HPSE2: variants seen among roughly 807,000 people sequenced by gnomAD.
HPSE2 encodes heparanase 2 (inactive).
HPSE2 carries 38 observed loss-of-function variants against 60.5 expected under a neutral mutation model. The observed-to-expected ratio is 0.63, with a 90% confidence interval of 0.48 to 0.82. HPSE2 has a LOEUF of 0.82. Ranked by LOEUF, HPSE2 falls within the 40% of genes least tolerant of loss-of-function variation. The pLI is 0.00. For synonymous variants in HPSE2, 295 were observed against 293.2 expected, an observed-to-expected ratio of 1.01 and a Z score of -0.06; for missense variants, 713 against 740.4, an observed-to-expected ratio of 0.96 and a Z score of 0.43.
At chr10:98,872,411 T>C (rs956150041) in intron 3 of HPSE2, among the ~76,000 whole-genome samples, 1 of 152,100 alleles carries the variant, frequency 6.6e-6, no homozygotes, top group African/African-American at 2.4e-5. Context: ...AGAAATTTAG[T>C]CAATTTTCTG....
chr10:98,626,538 A>G (rs1465892574), intron 7 of HPSE2, among the ~76,000 whole-genome samples: 1 of 152,012 alleles, frequency 6.6e-6, no homozygotes, highest in Non-Finnish European at 1.5e-5. Flanking sequence ...CCACGCCCAT[A>G]CTCACTTGGA....
chr10:98,765,568 G>A (rs1010956696), intron 3 of HPSE2, among the ~76,000 whole-genome samples: 2 of 152,292 alleles, frequency 1.3e-5, no homozygotes, highest in Admixed American at 6.5e-5. Flanking sequence ...GGCCAGGCAT[G>A]GTGGCTCACG....
intron 3 of HPSE2, among the ~76,000 whole-genome samples, chr10:98,788,643 C>G (rs529874095): frequency 1.3e-5 from 2 of 152,216 alleles, no homozygotes; most frequent in African/African-American, 4.8e-5. Flanking sequence ...GATATCGTCT[C>G]GTGGTGCGCT....
intron 2 of HPSE2, among the ~76,000 whole-genome samples, chr10:99,192,893 A>C (rs1848269174): frequency 6.6e-6 from 1 of 152,148 alleles, no homozygotes; most frequent in Non-Finnish European, 1.5e-5. Flanking sequence ...TCCTAAAGGG[A>C]GTTTTTCATA....
intron 6 of HPSE2, among the ~76,000 whole-genome samples, chr10:98,654,606 T>C (rs546725700): frequency 6.6e-5 from 10 of 152,354 alleles, no homozygotes; most frequent in African/African-American, 2.2e-4. Context: ...TCTCTACTTA[T>C]ATTAACCATG....
intron 3 of HPSE2, among the ~76,000 whole-genome samples, chr10:99,071,153 T>C (rs1842777718): frequency 6.7e-6 from 1 of 149,264 alleles, no homozygotes. Flanking sequence ...CACTGCAACC[T>C]CTGCCTCCCA....
intron 3 of HPSE2, among the ~76,000 whole-genome samples, chr10:98,837,619 A>C (rs1951819459): frequency 6.6e-6 from 1 of 152,192 alleles, no homozygotes. Context: ...TCACGCCTGT[A>C]ATCCCAGCAC....
intron 9 of HPSE2, 46 bp from the exon 10 acceptor site, chr10:98,490,242 C>G: frequency 6.3e-7 from 1 of 1,588,466 alleles, no homozygotes. Flanking sequence ...AACACATGCT[C>G]AGGTGTTCTG....
chr10:99,043,846 A>C (rs1207579160), intron 3 of HPSE2, among the ~76,000 whole-genome samples: 1 of 152,146 alleles, frequency 6.6e-6, no homozygotes, highest in African/African-American at 2.4e-5. Flanking sequence ...AATAAAAAAA[A>C]CTCCAAGAAA....
intron 3 of HPSE2, among the ~76,000 whole-genome samples, chr10:98,946,963 A>G (rs2135178089): frequency 6.6e-6 from 1 of 151,902 alleles, no homozygotes; most frequent in African/African-American, 2.4e-5. Context: ...CTTATTTTTT[A>G]TCATGTTAAA....
At chr10:99,189,946 C>T (rs945834876) in intron 2 of HPSE2, among the ~76,000 whole-genome samples, 4 of 152,192 alleles carry the variant, frequency 2.6e-5, no homozygotes, top group Non-Finnish European at 5.9e-5. Context: ...GCTTTGGAAG[C>T]AGAGACAGGG....
At chr10:98,697,624 T>C (rs372269042) in intron 5 of HPSE2, among the ~76,000 whole-genome samples, 6 of 152,196 alleles carry the variant, frequency 3.9e-5, no homozygotes, top group African/African-American at 1.4e-4. Flanking sequence ...CCTAGCAAGA[T>C]AGGCCAACAT....
chr10:99,031,068 G>C (rs1957487818), intron 3 of HPSE2, among the ~76,000 whole-genome samples: 1 of 152,134 alleles, frequency 6.6e-6, no homozygotes, highest in Non-Finnish European at 1.5e-5. Flanking sequence ...ACAAACCCTA[G>C]TATGTGATAG....
At chr10:98,573,763 G>A (rs575717516) in intron 9 of HPSE2, among the ~76,000 whole-genome samples, 3 of 152,184 alleles carry the variant, frequency 2.0e-5, no homozygotes, top group Non-Finnish European at 4.4e-5. Context: ...TATAGATGAG[G>A]AGCAGAGGTT....
At chr10:99,068,451 G>T (rs1589604561) in intron 3 of HPSE2, among the ~76,000 whole-genome samples, 1 of 152,312 alleles carries the variant, frequency 6.6e-6, no homozygotes, top group Admixed American at 6.5e-5. Flanking sequence ...GCAGGTAAGA[G>T]AGCTTGTACG....
At chr10:99,244,921 C>G in the HPSE2 span, among the ~76,000 whole-genome samples, 1 of 151,900 alleles carries the variant, frequency 6.6e-6, no homozygotes, top group African/African-American at 2.4e-5. Flanking sequence ...ATAAGCAGAT[C>G]CAAGAACTTC....
At chr10:98,481,014 A>G (rs1941214180) in intron 11 of HPSE2, among the ~76,000 whole-genome samples, 1 of 152,178 alleles carries the variant, frequency 6.6e-6, no homozygotes, top group Non-Finnish European at 1.5e-5. Flanking sequence ...CAAGTAACAG[A>G]GCAGGGATGG....
intron 3 of HPSE2, among the ~76,000 whole-genome samples, chr10:99,070,236 A>G (rs977467743): frequency 1.3e-5 from 2 of 152,232 alleles, no homozygotes; most frequent in African/African-American, 2.4e-5. Context: ...AATGACTTGG[A>G]TCTACAATAT....
At chr10:99,278,412 G>C in the HPSE2 span, among the ~76,000 whole-genome samples, 1 of 152,082 alleles carries the variant, frequency 6.6e-6, no homozygotes, top group Non-Finnish European at 1.5e-5. Flanking sequence ...TCATTGGCAT[G>C]CAGCTTCCAT....
Sources: gnomAD v4.1 joint callset for allele counts (sites outside exome capture counted in the v4.1 genomes callset) on GRCh38, gnomAD v4.1.1 for gene constraint, MANE v1.5 for transcripts, NCBI Gene and HGNC (gene_info 2026-07-23, HGNC 2026-07-21) for gene names.